Variants in ABCC4 observed in about 807,000 individuals in gnomAD.
ABCC4 encodes the protein ATP binding cassette subfamily C member 4 (PEL blood group).
A neutral mutation model predicts 168.5 loss-of-function variants in ABCC4; 102 were observed. That is an observed-to-expected ratio of 0.61 (90% CI 0.52 to 0.71). The LOEUF (loss-of-function observed/expected upper bound fraction) is 0.71. Ranked by LOEUF, ABCC4 falls within the 30% of genes least tolerant of loss-of-function variation. ABCC4 has a pLI of 0.00. For missense variants in ABCC4, 1,402 were observed against 1,605.8 expected (o/e 0.87, Z 2.17); for synonymous variants, 617 against 590.7 (o/e 1.04, Z -0.65).
chr13:95,061,975 C>T (rs1368484086), intron 26 of ABCC4, among the ~76,000 whole-genome samples: 2 of 152,152 alleles, frequency 1.3e-5, no homozygotes, highest in Non-Finnish European at 2.9e-5. Flanking sequence ...CCTTGAGAGT[C>T]ACTTCTGCAA....
At chr13:95,256,457 C>T (rs7321807) in intron 1 of ABCC4, among the ~76,000 whole-genome samples, 10,217 of 152,304 alleles carry the variant, frequency 0.067, 764 homozygotes, top group African/African-American at 0.18. Flanking sequence ...TGACTATCCT[C>T]TGAAAATCAG....
intron 1 of ABCC4, among the ~76,000 whole-genome samples, chr13:95,272,582 T>C (rs780148210): frequency 1.3e-4 from 20 of 152,318 alleles, no homozygotes; most frequent in Non-Finnish European, 2.6e-4. Context: ...AGATTGATTT[T>C]AGCATCTAGT....
intron 21 of ABCC4, 136 bp from the exon 22 acceptor site, chr13:95,075,687 T>C (rs2033875792): frequency 8.4e-7 from 1 of 1,185,524 alleles, no homozygotes; most frequent in Non-Finnish European, 1.2e-6. Context: ...CAAGGAAAAA[T>C]AAATGTTCCC....
intron 8 of ABCC4, among the ~76,000 whole-genome samples, chr13:95,199,437 T>C (rs2038560451): frequency 6.6e-6 from 1 of 152,208 alleles, no homozygotes; most frequent in African/African-American, 2.4e-5. Context: ...GTGGGTCTTG[T>C]AGCAAACATC....
intron 16 of ABCC4, 47 bp downstream of exon 16, chr13:95,164,331 T>C (rs767967264): frequency 3.1e-6 from 5 of 1,607,524 alleles, no homozygotes; most frequent in Non-Finnish European, 4.3e-6. Flanking sequence ...TAAACATAGG[T>C]ACTGTAAATA....
chr13:95,083,250 G>A lies in ABCC4; in HGVS notation c.2576C>T (p.Ala859Val), dbSNP rs75641954. The A allele has an allele frequency of 6.2e-5, 100 of 1,613,898 alleles. 1 individual carries two copies. The African/African-American group carries it at 7.9e-4, about 13-fold the overall frequency. ...QVVGVVSVAV[A>V]VIPWIAIPLV... ...GGGTATTGCGATCCAAGGAATCACG[G>A]CCACAGCCACAGAGACCACACCAAC... is the stretch of plus-strand genomic sequence containing the variant. Residue 859 changes from alanine (A) to valine (V), a missense_variant, in exon 21 of 31, where the codon GCC becomes GTC. Transcript: ENST00000645237.
At chr13:95,169,444 C>A (rs745944611) in intron 14 of ABCC4, among the ~76,000 whole-genome samples, 2 of 152,192 alleles carry the variant, frequency 1.3e-5, no homozygotes, top group African/African-American at 4.8e-5. Flanking sequence ...GGGCCTCTGA[C>A]AACTGCTCTG....
intron 26 of ABCC4, among the ~76,000 whole-genome samples, chr13:95,055,124 G>A (rs1407092697): frequency 1.3e-5 from 2 of 152,146 alleles, no homozygotes; most frequent in Admixed American, 1.3e-4. Context: ...CACAGGTAAG[G>A]TCTGTCTTAA....
At chr13:95,133,205 C>T (rs1157046766) in intron 19 of ABCC4, among the ~76,000 whole-genome samples, 1 of 150,720 alleles carries the variant, frequency 6.6e-6, no homozygotes, top group African/African-American at 2.5e-5. Context: ...CCTCCGCCTC[C>T]TGGGTTCAAG....
At chr13:95,274,662 T>G (rs2040928405) in intron 1 of ABCC4, among the ~76,000 whole-genome samples, 1 of 152,190 alleles carries the variant, frequency 6.6e-6, no homozygotes, top group Non-Finnish European at 1.5e-5. Context: ...CTTCCCCATG[T>G]GGCCCTGCAG....
chr13:95,163,020 T>TTAAGACATTA, intron 18 of ABCC4, 102 bp downstream of exon 18: 1 of 787,116 alleles, frequency 1.3e-6, no homozygotes, highest in Non-Finnish European at 2.2e-6. Flanking sequence ...TCCTGATCTG[T>TTAAGACATTA]TAAGACATTA....
intron 11 of ABCC4, among the ~76,000 whole-genome samples, chr13:95,185,481 T>C (rs1199347698): frequency 1.3e-5 from 2 of 152,254 alleles, no homozygotes; most frequent in African/African-American, 2.4e-5. Flanking sequence ...ACTACTCACC[T>C]GATTGACAGA....
At chr13:95,232,406 C>T (rs1240494309) in intron 4 of ABCC4, among the ~76,000 whole-genome samples, 2 of 151,994 alleles carry the variant, frequency 1.3e-5, no homozygotes, top group East Asian at 1.9e-4. Context: ...GGGCTGGGTG[C>T]GGTGGCTCCC....
chr13:95,077,540 A>T (rs2033947041), intron 21 of ABCC4, among the ~76,000 whole-genome samples: 1 of 151,902 alleles, frequency 6.6e-6, no homozygotes. Context: ...GTTTCGTCAC[A>T]TTGCTCAGGC....
chr13:95,252,629 C>T (rs9516548), intron 1 of ABCC4, among the ~76,000 whole-genome samples: 9,862 of 152,138 alleles, frequency 0.065, 469 homozygotes, highest in Non-Finnish European at 0.1. Context: ...GAGCTGAGAT[C>T]GCACCTTTGC....
At chr13:95,290,669 C>T (rs981053465) in intron 1 of ABCC4, among the ~76,000 whole-genome samples, 5 of 124,834 alleles carry the variant, frequency 4.0e-5, no homozygotes, top group African/African-American at 1.3e-4. Context: ...CGTGCCATTG[C>T]ACTCCAGCCT....
In ABCC4 at chr13:95,255,315, C is replaced by A. The variant is rs144211642; in HGVS notation, c.75-7562G>T. Among the ~76,000 whole-genome samples, 485 of 152,328 alleles carry A rather than the reference C, an allele frequency of 3.2e-3. 7 individuals are homozygous for A. Among genetic ancestry groups the A allele is most frequent in the African/African-American group, 0.01 (422 of 41,586 alleles). On this transcript the variant is annotated intron_variant, in intron 1 of 30. Transcript: ENST00000645237. ...TTCCAAAGTTCACCAGGGCCTCTGT[C>A]CTTACAAAGTTTCCCATGGCCTGGC...
At chr13:95,118,972 G>A (rs1319874423) in intron 19 of ABCC4, among the ~76,000 whole-genome samples, 1 of 152,096 alleles carries the variant, frequency 6.6e-6, no homozygotes, top group Non-Finnish European at 1.5e-5. Flanking sequence ...TATCCCTTGG[G>A]TACCTCAATT....
intron 20 of ABCC4, among the ~76,000 whole-genome samples, chr13:95,088,274 A>T (rs2034320772): frequency 6.6e-6 from 1 of 152,206 alleles, no homozygotes. Flanking sequence ...AAAAATACAC[A>T]TCTTAGAAAA....
Sources: gnomAD v4.1 joint callset for allele counts (sites outside exome capture counted in the v4.1 genomes callset) on GRCh38, gnomAD v4.1.1 for gene constraint, MANE v1.5 for transcripts, NCBI Gene and HGNC (gene_info 2026-07-23, HGNC 2026-07-21) for gene names.